Variants in CCDC171 observed in about 807,000 individuals in gnomAD.
CCDC171 encodes the protein coiled-coil domain containing 171.
A neutral mutation model predicts 168.2 loss-of-function variants in CCDC171; 177 were observed. That is an observed-to-expected ratio of 1.05 (90% CI 0.93 to 1.19). The LOEUF (loss-of-function observed/expected upper bound fraction) is 1.19, where lower values mean the gene tolerates loss of function less well. Ranked by LOEUF, CCDC171 falls within the 50% of genes most tolerant of loss-of-function variation. The pLI, the probability that CCDC171 is intolerant of heterozygous loss-of-function variation, is 0.00. For missense variants in CCDC171, 1,991 were observed against 1,539.0 expected (o/e 1.29, Z -4.91); for synonymous variants, 687 against 540.8 (o/e 1.27, Z -3.75).
intron 10 of CCDC171, among the ~76,000 whole-genome samples, chr9:15,680,812 T>G (rs938557536): frequency 3.3e-5 from 5 of 152,182 alleles, no homozygotes; most frequent in Admixed American, 2.0e-4. Context: ...TTGAGCTGAG[T>G]ACTGCATTTG....
chr9:16,049,878 C>G (rs903531735), intron 1 of CCDC171, among the ~76,000 whole-genome samples: 14 of 152,066 alleles, frequency 9.2e-5, no homozygotes, highest in African/African-American at 3.1e-4. Context: ...AGATATTATT[C>G]TTACTGTTGT....
At chr9:15,805,989 G>T (rs529391369) in intron 21 of CCDC171, among the ~76,000 whole-genome samples, 2 of 151,082 alleles carry the variant, frequency 1.3e-5, no homozygotes, top group African/African-American at 4.8e-5. Context: ...CTTGTTGAAT[G>T]TCTTTCTTTG....
chr9:15,675,947 G>C (rs2049522411), intron 9 of CCDC171, among the ~76,000 whole-genome samples: 1 of 152,174 alleles, frequency 6.6e-6, no homozygotes, highest in Non-Finnish European at 1.5e-5. Flanking sequence ...AGTTCTCCTG[G>C]ATAATATCCT....
At chr9:15,918,363 A>G (rs892625775) in intron 24 of CCDC171, among the ~76,000 whole-genome samples, 4 of 150,762 alleles carry the variant, frequency 2.7e-5, no homozygotes, top group Admixed American at 1.3e-4. Context: ...GAGGGAGGAG[A>G]TGGAGGCTCA....
At chr9:15,649,006 G>A (rs971853393) in intron 7 of CCDC171, among the ~76,000 whole-genome samples, 10 of 152,112 alleles carry the variant, frequency 6.6e-5, no homozygotes, top group Admixed American at 2.6e-4. Flanking sequence ...TATACTACAA[G>A]GCTACAGTAA....
chr9:15,956,658 CA>C (rs1416048400), intron 25 of CCDC171, among the ~76,000 whole-genome samples: 1 of 151,656 alleles, frequency 6.6e-6, no homozygotes, highest in Admixed American at 6.6e-5. Flanking sequence ...GATCATTTTT[CA>C]AAAAAGGATT....
At chr9:15,562,451 A>T (rs2039385590) in intron 1 of CCDC171, among the ~76,000 whole-genome samples, 1 of 152,130 alleles carries the variant, frequency 6.6e-6, no homozygotes, top group Non-Finnish European at 1.5e-5. Flanking sequence ...CTTGCTTCTG[A>T]GCTATGGAAG....
At chr9:15,698,468 C>T (rs2133827306) in intron 11 of CCDC171, among the ~76,000 whole-genome samples, 1 of 148,398 alleles carries the variant, frequency 6.7e-6, no homozygotes, top group African/African-American at 2.5e-5. Flanking sequence ...TTGCAGTGAG[C>T]TGAGATCGTG....
chr9:15,841,132 G>T (rs1183912557), intron 21 of CCDC171, among the ~76,000 whole-genome samples: 1 of 151,876 alleles, frequency 6.6e-6, no homozygotes, highest in African/African-American at 2.4e-5. Flanking sequence ...TTGCTCATTT[G>T]CCCCATTTGT....
chr9:15,734,351 A>G (rs1271293476), intron 16 of CCDC171, among the ~76,000 whole-genome samples: 1 of 152,170 alleles, frequency 6.6e-6, no homozygotes. Context: ...AACCTGACCA[A>G]CATGGAGAAA....
At chr9:15,583,907 G>A (rs540800982) in intron 4 of CCDC171, among the ~76,000 whole-genome samples, 2 of 151,940 alleles carry the variant, frequency 1.3e-5, no homozygotes, top group South Asian at 4.2e-4. Context: ...TCCCTCTTTC[G>A]CCCAGGCTGG....
Position 15,848,944 on chromosome 9 carries a change from C to G in CCDC171, c.3465C>G (p.His1155Gln), listed in dbSNP as rs754049650. The change falls in exon 23 of 26, where the codon CAC becomes CAG. Residue 1155 changes from histidine to glutamine, a missense_variant. By Grantham distance (24) the His-to-Gln change is conservative (BLOSUM62 0). Coordinates refer to ENST00000380701, the MANE Select transcript of CCDC171 (RefSeq NM_173550.4). ...TGAGAGCAGTAGAAAATACGCTTCA[C>G]AAGGTACTGTTATTTTTCTTTAATA... ...NHMRAVENTL[H>Q]KVRDQISLSW... 6 of 1,521,964 alleles carry G rather than the reference C, an allele frequency of 3.9e-6. No homozygotes were observed. Among genetic ancestry groups the G allele is most frequent in the South Asian group, 1.2e-5 (1 of 80,290 alleles). 94.3% of individuals were successfully genotyped at this position (1,521,964 alleles called of 1,614,324 possible). A position where few individuals can be genotyped will look rare whatever the true frequency, so the allele number is the denominator to read the frequency against.
At chr9:15,869,238 T>A (rs538805258) in intron 23 of CCDC171, among the ~76,000 whole-genome samples, 1 of 152,100 alleles carries the variant, frequency 6.6e-6, no homozygotes, top group Admixed American at 6.6e-5. Context: ...AGTAGTATTA[T>A]TATCTGTCTG....
At chr9:15,664,680 G>A (rs1268154362) in intron 8 of CCDC171, among the ~76,000 whole-genome samples, 1 of 150,534 alleles carries the variant, frequency 6.6e-6, no homozygotes, top group Non-Finnish European at 1.5e-5. Context: ...GGTGGACACA[G>A]GGAATATAGT....
intron 25 of CCDC171, among the ~76,000 whole-genome samples, chr9:15,935,040 G>A (rs1826956084): frequency 1.3e-5 from 2 of 152,102 alleles, no homozygotes; most frequent in South Asian, 2.1e-4. Context: ...TAACGCATAT[G>A]GAATTTCATT....
At position 15,997,271 on chromosome 9, in the gene CCDC171, A is replaced by G. The variant is rs1016650547; in HGVS notation, n.369-23318A>G. On this transcript the variant is annotated intron_variant and non_coding_transcript_variant, in intron 3 of 9. Coordinates refer to the CCDC171 transcript ENST00000486641. ...CTCTAGAGCAAAGACTGCGTCTTAG[A>G]GAAGTCCTGTTTGGGGCAGAAATGG... Among the ~76,000 whole-genome samples the G allele has an allele frequency of 2.9e-4, 44 of 152,168 alleles. 1 individual carries two copies. Among genetic ancestry groups the G allele is most frequent in the Non-Finnish European group, 6.0e-4 (41 of 68,038 alleles).
At chr9:15,654,564 A>G (rs1392747765) in intron 7 of CCDC171, among the ~76,000 whole-genome samples, 2 of 152,162 alleles carry the variant, frequency 1.3e-5, no homozygotes, top group East Asian at 3.8e-4. Context: ...ATTTCTTTTC[A>G]TTGTGATCCA....
At chr9:15,840,712 A>G (rs1265197866) in intron 21 of CCDC171, among the ~76,000 whole-genome samples, 1 of 151,798 alleles carries the variant, frequency 6.6e-6, no homozygotes, top group African/African-American at 2.4e-5. Context: ...CCACTTTTCT[A>G]TTTTGTACTT....
chr9:15,670,495 C>A (rs75707094), intron 9 of CCDC171, among the ~76,000 whole-genome samples: 3,003 of 152,150 alleles, frequency 0.02, 104 homozygotes, highest in African/African-American at 0.069. Context: ...AATCTTATTG[C>A]TGGTTCTTCT....
Sources: gnomAD v4.1 joint callset for allele counts (sites outside exome capture counted in the v4.1 genomes callset) on GRCh38, gnomAD v4.1.1 for gene constraint, MANE v1.5 for transcripts, NCBI Gene and HGNC (gene_info 2026-07-23, HGNC 2026-07-21) for gene names.